EIF2AK4: variants seen among roughly 807,000 people sequenced by gnomAD.
EIF2AK4 encodes eukaryotic translation initiation factor 2 alpha kinase 4.
EIF2AK4 carries 139 observed loss-of-function variants against 211.1 expected under a neutral mutation model. The ratio of observed to expected loss-of-function variants is 0.66; its 90% CI spans 0.57 to 0.76. EIF2AK4 has a LOEUF of 0.76. Ranked by LOEUF, EIF2AK4 falls within the 30% of genes least tolerant of loss-of-function variation. The pLI is 0.00. For synonymous variants in EIF2AK4, 710 were observed against 751.3 expected, an observed-to-expected ratio of 0.94 and a Z score of 0.90; for missense variants, 1,664 against 2,043.8, an observed-to-expected ratio of 0.81 and a Z score of 3.58.
intron 33 of EIF2AK4, among the ~76,000 whole-genome samples, chr15:40,026,568 T>C (rs533371359): frequency 2.7e-4 from 41 of 152,380 alleles, no homozygotes; most frequent in Admixed American, 2.4e-3. Flanking sequence ...AGGAGTTTAA[T>C]TGTATGACCA....
intron 23 of EIF2AK4, among the ~76,000 whole-genome samples, chr15:40,004,579 C>T (rs967157315): frequency 3.3e-5 from 5 of 152,062 alleles, no homozygotes; most frequent in Non-Finnish European, 5.9e-5. Flanking sequence ...TGTGGTGGCT[C>T]GTGCCTGTGG....
At chr15:40,005,988 A>C (rs1248195841) in intron 23 of EIF2AK4, among the ~76,000 whole-genome samples, 2 of 152,090 alleles carry the variant, frequency 1.3e-5, no homozygotes, top group Non-Finnish European at 2.9e-5. Flanking sequence ...AAAAAAATTC[A>C]CAAAGCTCCA....
chr15:39,995,613 A>T (rs2035008351), intron 18 of EIF2AK4, among the ~76,000 whole-genome samples: 1 of 149,100 alleles, frequency 6.7e-6, no homozygotes, highest in Non-Finnish European at 1.5e-5. Context: ...TGTTTTTGTC[A>T]ATTATTTAAT....
intron 38 of EIF2AK4, 76 bp from the exon 39 acceptor site, chr15:40,034,951 G>A: frequency 1.7e-6 from 2 of 1,180,494 alleles, no homozygotes; most frequent in South Asian, 3.2e-5. Flanking sequence ...TCCTACAGGT[G>A]TTATAAAAAT....
intron 18 of EIF2AK4, among the ~76,000 whole-genome samples, chr15:39,995,613 A>G (rs2035008351): frequency 1.3e-5 from 2 of 149,104 alleles, no homozygotes; most frequent in South Asian, 4.4e-4. Flanking sequence ...TGTTTTTGTC[A>G]ATTATTTAAT....
chr15:39,943,528 C>T, intron 3 of EIF2AK4, 43 bp downstream of exon 3: 2 of 1,464,372 alleles, frequency 1.4e-6, no homozygotes, highest in South Asian at 2.5e-5. Context: ...CAGTAAACTT[C>T]CCCATTACAC....
At chr15:40,015,572 G>T (rs966532107) in intron 27 of EIF2AK4, among the ~76,000 whole-genome samples, 3 of 152,186 alleles carry the variant, frequency 2.0e-5, no homozygotes, top group Non-Finnish European at 4.4e-5. Context: ...CATGGGAATT[G>T]TAGGAGCTAC....
At chr15:39,956,998 T>TA (rs1262619672) in intron 6 of EIF2AK4, among the ~76,000 whole-genome samples, 2 of 152,204 alleles carry the variant, frequency 1.3e-5, no homozygotes, top group African/African-American at 4.8e-5. Context: ...TTTAAAAAAA[T>TA]ACTGTTTCTG....
intron 6 of EIF2AK4, 80 bp downstream of exon 6, chr15:39,955,848 A>T: frequency 1.4e-6 from 2 of 1,455,104 alleles, no homozygotes; most frequent in Non-Finnish European, 9.1e-7. Context: ...GTGAAATTTG[A>T]TGGAAATTTC....
intron 21 of EIF2AK4, 32 bp downstream of exon 21, chr15:40,001,256 T>C: frequency 1.2e-6 from 2 of 1,600,198 alleles, no homozygotes; most frequent in Admixed American, 1.7e-5. Context: ...CAAAGGGAGC[T>C]TCACCTTGTC....
intron 33 of EIF2AK4, among the ~76,000 whole-genome samples, chr15:40,027,417 G>A (rs2035478459): frequency 6.6e-6 from 1 of 152,156 alleles, no homozygotes; most frequent in Non-Finnish European, 1.5e-5. Flanking sequence ...AAGGATATGA[G>A]GGACCTTCAA....
At chr15:39,954,324 C>T (rs1441183064) in intron 5 of EIF2AK4, among the ~76,000 whole-genome samples, 1 of 152,198 alleles carries the variant, frequency 6.6e-6, no homozygotes, top group South Asian at 2.1e-4. Context: ...ATGATCTCAG[C>T]CCACTGTAAC....
chr15:40,022,730 T>C (rs2035408929), intron 32 of EIF2AK4, 125 bp downstream of exon 32: 9 of 756,744 alleles, frequency 1.2e-5, no homozygotes, highest in Non-Finnish European at 1.9e-5. Flanking sequence ...TCCCTTTCCA[T>C]TGTTGGGTTT....
intron 20 of EIF2AK4, 144 bp downstream of exon 20, chr15:39,998,928 A>T (rs1034908068): frequency 3.0e-6 from 2 of 676,028 alleles, no homozygotes; most frequent in Admixed American, 6.6e-5. Context: ...AAGATGAAGC[A>T]CTTAAAATGT....
chr15:39,981,987 C>T (rs1048063273), intron 13 of EIF2AK4, among the ~76,000 whole-genome samples: 34 of 146,262 alleles, frequency 2.3e-4, no homozygotes, highest in Admixed American at 7.0e-4. Context: ...TGCAGTGGCA[C>T]GATCTCGGCT....
intron 27 of EIF2AK4, among the ~76,000 whole-genome samples, chr15:40,014,688 T>C (rs1176342287): frequency 6.6e-6 from 1 of 152,230 alleles, no homozygotes; most frequent in Non-Finnish European, 1.5e-5. Flanking sequence ...TTTTCCCCAT[T>C]GTTTTGGTGA....
At chr15:39,950,769 G>A (rs1273520090) in intron 4 of EIF2AK4, among the ~76,000 whole-genome samples, 1 of 152,122 alleles carries the variant, frequency 6.6e-6, no homozygotes, top group African/African-American at 2.4e-5. Context: ...TACGCCACCT[G>A]TGAACCTTGT....
chr15:40,003,106 T>G, intron 22 of EIF2AK4, 87 bp from the exon 23 acceptor site: 1 of 1,552,344 alleles, frequency 6.4e-7, no homozygotes, highest in Admixed American at 1.9e-5. Flanking sequence ...TAGCAATTAC[T>G]TAACTGTCAG....
intron 23 of EIF2AK4, among the ~76,000 whole-genome samples, chr15:40,006,570 A>G (rs1016059483): frequency 6.6e-6 from 1 of 152,248 alleles, no homozygotes; most frequent in African/African-American, 2.4e-5. Context: ...GAAGGTGTTT[A>G]TTAAGAATTT....
Sources: gnomAD v4.1 joint callset for allele counts (sites outside exome capture counted in the v4.1 genomes callset) on GRCh38, gnomAD v4.1.1 for gene constraint, MANE v1.5 for transcripts, NCBI Gene and HGNC (gene_info 2026-07-23, HGNC 2026-07-21) for gene names.